OTUD5: variants seen among roughly 807,000 people sequenced by gnomAD.
OTUD5 encodes OTU domain-containing protein 5.
OTUD5 carries 2 observed loss-of-function variants against 36.3 expected under a neutral mutation model. That is an observed-to-expected ratio of 0.06 (90% CI 0.02 to 0.17). The LOEUF (loss-of-function observed/expected upper bound fraction) is 0.17. Ranked by LOEUF, OTUD5 falls within the 10% of genes least tolerant of loss-of-function variation. OTUD5 has a pLI of 1.00. For synonymous variants in OTUD5, 234 were observed against 214.9 expected (o/e 1.09, Z -0.78); for missense variants, 233 against 512.3 (o/e 0.45, Z 5.26).
chrX:48,958,351 C>G (rs945553170), upstream of OTUD5: 1 of 112,727 alleles, frequency 8.9e-6, no homozygotes, highest in Non-Finnish European at 1.9e-5. Flanking sequence ...AAAACATCAA[C>G]ACTCCCGGGA....
At chrX:48,951,291 C>T (rs1337449343) in intron 1 of OTUD5, among the ~76,000 whole-genome samples, 1 of 111,961 alleles carries the variant, frequency 8.9e-6, no homozygotes, top group Non-Finnish European at 1.9e-5. Flanking sequence ...TCCAGCAAAG[C>T]ACCCAGGAAC....
intron 5 of OTUD5, among the ~76,000 whole-genome samples, chrX:48,931,248 A>G (rs1170198780): frequency 2.7e-5 from 3 of 112,126 alleles, no homozygotes; most frequent in Non-Finnish European, 5.6e-5. Context: ...ACCAACAGGC[A>G]TAAATGACAC....
chrX:48,954,071 TCTC>T (rs1235947275), intron 1 of OTUD5, among the ~76,000 whole-genome samples: 1 of 110,594 alleles, frequency 9.0e-6, no homozygotes, highest in Non-Finnish European at 1.9e-5. Flanking sequence ...ACAGAAAGCC[TCTC>T]CTGTCATTGG....
chrX:48,925,829 A>T lies in OTUD5; in HGVS notation c.1263+18T>A. ...TAATGAGTTTTTGGCCAAGCCTGTGACAGAGTCCATGACCCACCTGGCTGG... is the reference window on the plus strand; with the variant it reads ...TAATGAGTTTTTGGCCAAGCCTGTGTCAGAGTCCATGACCCACCTGGCTGG... On this transcript the variant is annotated intron_variant, in intron 6 of 8. Coordinates refer to ENST00000376488, the MANE Select transcript of OTUD5 (RefSeq NM_001136157.2). The T allele has an allele frequency of 8.4e-7, 1 of 1,188,772 alleles. No homozygotes were observed. Among genetic ancestry groups the T allele is most frequent in the Non-Finnish European group, 1.1e-6 (1 of 878,034 alleles).
chrX:48,949,976 C>G (rs1044822621), intron 1 of OTUD5, among the ~76,000 whole-genome samples: 1 of 109,737 alleles, frequency 9.1e-6, no homozygotes, highest in Non-Finnish European at 1.9e-5. Context: ...TGGCAAAACC[C>G]CATCTCTACT....
chrX:48,949,101 C>G (rs1217996306), intron 1 of OTUD5, among the ~76,000 whole-genome samples: 1 of 111,916 alleles, frequency 8.9e-6, no homozygotes, highest in Non-Finnish European at 1.9e-5. Flanking sequence ...TGGGCAGACT[C>G]AAATATTACA....
chrX:48,928,534 G>GA (rs1172754793), intron 5 of OTUD5, among the ~76,000 whole-genome samples: 2 of 111,432 alleles, frequency 1.8e-5, no homozygotes, highest in Non-Finnish European at 3.8e-5. Context: ...TTTCAGGGGG[G>GA]AAAAAAGCAA....
chrX:48,944,128 T>C lies in OTUD5; in HGVS notation c.688+62A>G, dbSNP rs2063981393. 3.6e-6 allele frequency: 3 copies of C among 830,007 alleles called. No homozygotes were observed. In the Admixed American group the frequency reaches 7.1e-5, roughly 20 times the overall value. 68.4% of individuals were successfully genotyped at this position (830,007 alleles called of 1,213,427 possible). On this transcript the variant is annotated intron_variant, in intron 2 of 8. Transcript: ENST00000376488. ...TCAACCCTGTCTCAGGGGCTATTCCTGATAACTGGGACACAGCTTAGGGGC... is the reference window on the plus strand; with the variant it reads ...TCAACCCTGTCTCAGGGGCTATTCCCGATAACTGGGACACAGCTTAGGGGC...
At chrX:48,929,238 A>G (rs1557048296) in intron 5 of OTUD5, among the ~76,000 whole-genome samples, 2 of 108,139 alleles carry the variant, frequency 1.8e-5, no homozygotes, top group African/African-American at 6.8e-5. Context: ...AATCAAAAAA[A>G]TTAGCTGGGC....
At chrX:48,924,320 T>C (rs2063629794) in intron 6 of OTUD5, among the ~76,000 whole-genome samples, 2 of 110,959 alleles carry the variant, frequency 1.8e-5, no homozygotes, top group South Asian at 7.5e-4. Flanking sequence ...TCCAACCCCT[T>C]CTCACCAACT....
intron 1 of OTUD5, among the ~76,000 whole-genome samples, chrX:48,955,682 G>T (rs782538241): frequency 1.8e-5 from 2 of 111,357 alleles, no homozygotes; most frequent in South Asian, 7.6e-4. Context: ...AGTTCCCAAG[G>T]CATGGGTCGT....
chrX:48,941,602 A>G (rs2063924417), intron 2 of OTUD5, among the ~76,000 whole-genome samples: 3 of 110,807 alleles, frequency 2.7e-5, no homozygotes, highest in African/African-American at 9.9e-5. Context: ...TTTTGCAGTG[A>G]GCCTGAAGCA....
At chrX:48,929,003 A>G (rs2063708927) in intron 5 of OTUD5, among the ~76,000 whole-genome samples, 1 of 111,199 alleles carries the variant, frequency 9.0e-6, no homozygotes, top group African/African-American at 3.3e-5. Context: ...TCTGAATAAT[A>G]CTGTAATAGT....
Position 48,922,999 on chromosome X carries a change from G to T in OTUD5, c.*175C>A. ...CAGAGAGACAGGTGATAGTGGCAGCGGCAATGAGAGAGAGTGCAGGGGTGG... is the reference window on the plus strand; with the variant it reads ...CAGAGAGACAGGTGATAGTGGCAGCTGCAATGAGAGAGAGTGCAGGGGTGG... On this transcript the variant is annotated 3_prime_UTR_variant, in exon 9 of 9. Transcript: ENST00000376488. 1 of 1,092,243 alleles carries T rather than the reference G, an allele frequency of 9.2e-7. No homozygotes were observed. The highest frequency in any genetic ancestry group is 1.2e-6 in the Non-Finnish European group (1 of 839,971). 90.0% of individuals were successfully genotyped at this position (1,092,243 alleles called of 1,213,427 possible).
At chrX:48,945,475 T>C (rs2064010896) in intron 1 of OTUD5, among the ~76,000 whole-genome samples, 1 of 108,978 alleles carries the variant, frequency 9.2e-6, no homozygotes, top group Non-Finnish European at 1.9e-5. Flanking sequence ...TTTCACCATG[T>C]TAGCCAGGAT....
chrX:48,957,725 AGGAGGCGGCGGCGGCGGCGGCGGCGGT>A (rs2064280094), upstream of OTUD5: 5 of 373,027 alleles, frequency 1.3e-5, no homozygotes, highest in East Asian at 1.9e-4. Flanking sequence ...TCGGCGGCGG[AGGAGGCGGCGGCGGCGGCGGCGGCGGT>A]GGCGGCGCGC....
rs1557055854 is a variant in OTUD5 at position 48,957,356 on chromosome X, G to A, written c.215C>T (p.Pro72Leu). 2.7e-6 allele frequency: 3 copies of A among 1,129,049 alleles called. No homozygotes were observed. Among genetic ancestry groups the A allele is most frequent in the Admixed American group, 5.6e-5 (2 of 35,467 alleles). The allele number at this position is 1,129,049 out of a possible 1,213,427, so 93.0% of individuals were successfully genotyped here. A position where few individuals can be genotyped will look rare whatever the true frequency, so the allele number is the denominator to read the frequency against. ...RASPPPQGPL[P>L]GPPGALHRWA... is the part of the protein sequence containing the mutation. The stretch of plus-strand genomic sequence containing the variant: ...GCGATGAAGAGCGCCCGGCGGTCCT[G>A]GTAGCGGGCCTTGAGGCGGTGGCGA... Residue 72 changes from proline to leucine, a missense_variant, in exon 1 of 9, where the codon CCA (proline) becomes CTA (leucine). Physicochemically the swap from Pro to Leu is moderately conservative, Grantham distance 98. Around this residue, in one of 3 missense-constraint regions of OTUD5, gnomAD observed 155 missense variants for 217.2 expected, o/e 0.71. Transcript: ENST00000376488.
At chrX:48,956,050 T>C (rs1557055132) in intron 1 of OTUD5, among the ~76,000 whole-genome samples, 2 of 111,596 alleles carry the variant, frequency 1.8e-5, no homozygotes, top group African/African-American at 6.5e-5. Flanking sequence ...TTCAGGCCCC[T>C]GGTGGGGGTG....
Position 48,957,067 on chromosome X carries a change from A to G in OTUD5, c.504T>C (p.Arg168=). ...TGTTGTAGCCTGCGCCGACCTCCTCACGCTCGGGACTGCCCCCGCCAACCG... is the reference window on the plus strand; with the variant it reads ...TGTTGTAGCCTGCGCCGACCTCCTCGCGCTCGGGACTGCCCCCGCCAACCG... ...VGAVGGGSPE[R]EEVGAGYNSE... Residue 168 remains arginine (R), a synonymous_variant, in exon 1 of 9, where the codon CGT becomes CGC. Transcript: ENST00000376488. 1 of 1,186,965 alleles carries G rather than the reference A, an allele frequency of 8.4e-7. No individual in the cohort carries two copies.
Sources: gnomAD v4.1 joint callset for allele counts (sites outside exome capture counted in the v4.1 genomes callset) on GRCh38, gnomAD v4.1.1 for gene constraint, gnomAD v4.1.1 regional missense constraint, MANE v1.5 for transcripts, NCBI Gene and HGNC (gene_info 2026-07-23, HGNC 2026-07-21) for gene names.